Variants in TRDN observed in about 807,000 individuals in gnomAD.
TRDN encodes triadin in skeletal muscle.
Under a neutral mutation model 149.7 loss-of-function variants are expected in TRDN, and 161 were observed. The observed-to-expected ratio is 1.08, with a 90% CI of 0.95 to 1.23. The LOEUF (loss-of-function observed/expected upper bound fraction) is 1.23. Among genes scored for constraint, TRDN ranks in the 50% most tolerant of loss-of-function variants. The pLI is 0.00. For missense variants in TRDN, 896 were observed against 823.5 expected (o/e 1.09, Z -1.08); for synonymous variants, 294 against 250.5 (o/e 1.17, Z -1.64).
Position 123,269,834 on chromosome 6 carries a change from C to T in TRDN, c.1738+15G>A. The stretch of plus-strand genomic sequence containing the variant: ...CAAGCGATATTTCTCAGGTGTTATT[C>T]TATTCATCTCTTACTTGTTGGTTTG... On this transcript the variant is annotated intron_variant, in intron 31 of 40. Coordinates refer to ENST00000334268, the MANE Select transcript of TRDN (RefSeq NM_006073.4). 6.2e-7 allele frequency: 1 copy of T among 1,609,480 alleles called. No homozygotes were observed. Among genetic ancestry groups the T allele is most frequent in the Non-Finnish European group, 8.5e-7 (1 of 1,177,574 alleles).
chr6:123,385,204 G>A (rs1224396493), intron 14 of TRDN, among the ~76,000 whole-genome samples: 1 of 152,020 alleles, frequency 6.6e-6, no homozygotes, highest in African/African-American at 2.4e-5. Flanking sequence ...GAGGAGTGCG[G>A]ATCACTAGGT....
chr6:123,612,546 A>G (rs1033729057), intron 1 of TRDN, among the ~76,000 whole-genome samples: 2 of 152,038 alleles, frequency 1.3e-5, no homozygotes, highest in Non-Finnish European at 2.9e-5. Flanking sequence ...TTAAATCTTA[A>G]CAGGAGAGAT....
At chr6:123,323,202 A>G in intron 23 of TRDN, among the ~76,000 whole-genome samples, 1 of 152,182 alleles carries the variant, frequency 6.6e-6, no homozygotes, top group East Asian at 1.9e-4. Context: ...GGAAAAACAC[A>G]TTAGAACTGA....
intron 24 of TRDN, among the ~76,000 whole-genome samples, chr6:123,306,895 GAA>G (rs35757348): frequency 1.3e-5 from 2 of 149,710 alleles, no homozygotes; most frequent in Non-Finnish European, 3.0e-5. Flanking sequence ...AAGGGGTAAA[GAA>G]AAAAAAAGAA....
intron 7 of TRDN, among the ~76,000 whole-genome samples, chr6:123,504,236 G>A (rs1244612521): frequency 6.6e-6 from 1 of 151,964 alleles, no homozygotes; most frequent in Non-Finnish European, 1.5e-5. Context: ...AGCATGCAGG[G>A]GATGGATGTA....
At chr6:123,442,912 T>A (rs1775010507) in intron 10 of TRDN, among the ~76,000 whole-genome samples, 1 of 152,148 alleles carries the variant, frequency 6.6e-6, no homozygotes, top group South Asian at 2.1e-4. Context: ...CAAGTCTCAA[T>A]TTTGCTATAA....
At chr6:123,288,180 G>T (rs981504870) in intron 24 of TRDN, among the ~76,000 whole-genome samples, 1 of 152,038 alleles carries the variant, frequency 6.6e-6, no homozygotes, top group Non-Finnish European at 1.5e-5. Context: ...AGGAAAACTG[G>T]ATATTCACAT....
intron 1 of TRDN, among the ~76,000 whole-genome samples, chr6:123,622,348 G>C (rs13193013): frequency 2.7e-4 from 16 of 59,144 alleles, no homozygotes; most frequent in African/African-American, 1.0e-3. Flanking sequence ...CACACACACA[G>C]GCACACGCAC....
intron 7 of TRDN, among the ~76,000 whole-genome samples, chr6:123,507,323 T>C (rs751327865): frequency 1.3e-5 from 2 of 152,304 alleles, no homozygotes; most frequent in Non-Finnish European, 2.9e-5. Context: ...AATGCCATTA[T>C]AATTTATAAG....
chr6:123,222,823 A>G (rs1775200007), intron 39 of TRDN, among the ~76,000 whole-genome samples: 1 of 151,918 alleles, frequency 6.6e-6, no homozygotes, highest in Non-Finnish European at 1.5e-5. Context: ...ACCTCATTAC[A>G]AAGTGGTCAA....
intron 6 of TRDN, among the ~76,000 whole-genome samples, chr6:123,515,116 A>T (rs115047367): frequency 0.016 from 2,438 of 152,190 alleles, 73 homozygotes; most frequent in African/African-American, 0.055. Context: ...CTAAGAAAAC[A>T]TGACACCTTC....
At chr6:123,258,310 T>A (rs1776634985) in intron 35 of TRDN, among the ~76,000 whole-genome samples, 1 of 152,216 alleles carries the variant, frequency 6.6e-6, no homozygotes, top group Non-Finnish European at 1.5e-5. Context: ...AAAATTTCCA[T>A]CAATACCTAG....
chr6:123,347,057 G>A (rs1402616384), intron 21 of TRDN, among the ~76,000 whole-genome samples: 1 of 152,026 alleles, frequency 6.6e-6, no homozygotes, highest in Non-Finnish European at 1.5e-5. Flanking sequence ...AGAACGTGGG[G>A]TAGAAACAGT....
Position 123,446,553 on chromosome 6 carries a change from C to G in TRDN, c.932-7550G>C, listed in dbSNP as rs1444888244. On this transcript the variant is annotated intron_variant, in intron 10 of 40. Coordinates refer to ENST00000334268, the MANE Select transcript of TRDN (RefSeq NM_006073.4). ...TGAGCTGAGATTGTGCCACTGCACT[C>G]CAGTCTGGGCAACAGAGCCAGATTC... is the stretch of plus-strand genomic sequence containing the variant. Among the ~76,000 whole-genome samples, 5 of 140,842 alleles carry G rather than the reference C, an allele frequency of 3.6e-5. 1 individual carries two copies. In the South Asian group the frequency reaches 9.1e-4, roughly 26 times the overall value. 92.4% of individuals were successfully genotyped at this position (140,842 alleles called of 152,430 possible).
At chr6:123,619,613 C>A (rs1785277306) in intron 1 of TRDN, among the ~76,000 whole-genome samples, 2 of 152,052 alleles carry the variant, frequency 1.3e-5, no homozygotes, top group African/African-American at 4.8e-5. Flanking sequence ...GAAAAGTAGA[C>A]CTCACCTCTC....
At position 123,564,946 on chromosome 6, in the gene TRDN, T is replaced by C. The variant is rs190316968; in HGVS notation, c.232+5977A>G. On this transcript the variant is annotated intron_variant, in intron 2 of 40. Coordinates refer to ENST00000334268, the MANE Select transcript of TRDN (RefSeq NM_006073.4). ...TGAGGATGCTAATGAATGATGATCCTTGTTCTTAGGAAGGAAAAGAGTTAC... is the reference window on the plus strand; with the variant it reads ...TGAGGATGCTAATGAATGATGATCCCTGTTCTTAGGAAGGAAAAGAGTTAC... Among the ~76,000 whole-genome samples, 265 of 152,302 alleles carry C rather than the reference T, an allele frequency of 1.7e-3. 1 individual carries two copies. The highest frequency in any genetic ancestry group is 5.9e-3 in the African/African-American group (244 of 41,564).
At position 123,279,639 on chromosome 6, in the gene TRDN, C is replaced by T. The variant is rs917168497; in HGVS notation, c.1511-557G>A. On this transcript the variant is annotated intron_variant, in intron 24 of 40. Transcript: ENST00000334268. ...TTTCTACTTCTCACTCCCACTTCAT[C>T]ATTAATTCACTGTAATCTAGTTTCT... 2.4e-4 allele frequency among the ~76,000 whole-genome samples: 37 copies of T among 152,106 alleles called. 1 individual carries two copies. The highest frequency in any genetic ancestry group is 8.7e-4 in the African/African-American group (36 of 41,504).
At chr6:123,259,707 T>C in intron 34 of TRDN, 45 bp from the exon 35 acceptor site, 1 of 1,372,394 alleles carries the variant, frequency 7.3e-7, no homozygotes, top group South Asian at 1.3e-5. Flanking sequence ...TTAAAAAACA[T>C]GACTTTCTTA....
intron 2 of TRDN, among the ~76,000 whole-genome samples, chr6:123,561,437 C>T (rs1476042448): frequency 2.0e-5 from 3 of 152,096 alleles, no homozygotes; most frequent in Non-Finnish European, 2.9e-5. Context: ...CAGGGTACAG[C>T]CCATTTGAGC....
Sources: gnomAD v4.1 joint callset for allele counts (sites outside exome capture counted in the v4.1 genomes callset) on GRCh38, gnomAD v4.1.1 for gene constraint, MANE v1.5 for transcripts, NCBI Gene and HGNC (gene_info 2026-07-23, HGNC 2026-07-21) for gene names.